Variants in FIGNL2 observed in about 807,000 individuals in gnomAD.
FIGNL2 encodes fidgetin like 2, also known as fidgetin-like protein 2.
For synonymous variants in FIGNL2, 565 were observed against 484.0 expected, an observed-to-expected ratio of 1.17 and a Z score of -2.20; for missense variants, 1,060 against 950.2, an observed-to-expected ratio of 1.12 and a Z score of -1.52.
At chr12:51,841,896 C>T (rs1939669354) in intron 1 of FIGNL2, 1 of 152,234 alleles carries the variant, frequency 6.6e-6, no homozygotes, top group Non-Finnish European at 1.5e-5. Context: ...AGCAAATCCT[C>T]CATGAAAGAT....
At position 51,820,932 on chromosome 12, in the gene FIGNL2, C is replaced by T; in HGVS notation, c.1482G>A (p.Glu494=). 1.5e-6 allele frequency: 2 copies of T among 1,310,398 alleles called. No individual in the cohort carries two copies. The highest frequency in any genetic ancestry group is 2.9e-4 in the Middle Eastern group (1 of 3,462). The allele number at this position is 1,310,398 out of a possible 1,614,324, so 81.2% of individuals were successfully genotyped here. Residue 494 remains glutamate, a synonymous_variant, in exon 2 of 2, where the codon GAG becomes GAA. Coordinates refer to ENST00000618634, the MANE Select transcript of FIGNL2 (RefSeq NM_001384995.1). ...CGTCGTCCCGGGCGGGGAGCAGCGCCTCTAGCTCGCTGATGAGGAGTACGG... is the reference window on the plus strand; with the variant it reads ...CGTCGTCCCGGGCGGGGAGCAGCGCTTCTAGCTCGCTGATGAGGAGTACGG... ...PPSVLLISEL[E]ALLPARDDGA...
At chr12:51,846,998 C>T (rs992871712) in intron 1 of FIGNL2, 2 of 793,816 alleles carry the variant, frequency 2.5e-6, no homozygotes, top group South Asian at 5.7e-5. Flanking sequence ...CCGCCCCTTT[C>T]CTCGCCCACC....
intron 1 of FIGNL2, among the ~76,000 whole-genome samples, chr12:51,834,588 G>A (rs1273281102): frequency 6.6e-6 from 1 of 152,240 alleles, no homozygotes; most frequent in Admixed American, 6.5e-5. Flanking sequence ...GTGTGCTCTG[G>A]CCCTGGTCTT....
chr12:51,822,505 C>T (rs958699355), intron 1 of FIGNL2, 81 bp from the exon 2 acceptor site: 1 of 1,531,586 alleles, frequency 6.5e-7, no homozygotes, highest in South Asian at 1.2e-5. Context: ...GGCCAGTCCG[C>T]CTAGACTGCG....
chr12:51,830,157 C>T (rs1477154576), intron 1 of FIGNL2, among the ~76,000 whole-genome samples: 5 of 151,630 alleles, frequency 3.3e-5, no homozygotes, highest in Non-Finnish European at 5.9e-5. Flanking sequence ...GGTGTAGTGG[C>T]GGGTGCCTGT....
chr12:51,838,755 C>A (rs1168515813), intron 1 of FIGNL2, among the ~76,000 whole-genome samples: 3 of 152,138 alleles, frequency 2.0e-5, no homozygotes, highest in Non-Finnish European at 4.4e-5. Flanking sequence ...TGGCTAGGTG[C>A]AGTGGCCTGG....
rs958064552 is a variant in FIGNL2 at position 51,819,150 on chromosome 12, G to A, written c.*1302C>T. On this transcript the variant is annotated 3_prime_UTR_variant, in exon 2 of 2. Transcript: ENST00000618634. Reference sequence around the variant, plus strand: ...GTCACTGGGGACCTCTGCCAAGGCAGGGCCAGGGGACATGACCTTTCTGGA... The same window carrying A: ...GTCACTGGGGACCTCTGCCAAGGCAAGGCCAGGGGACATGACCTTTCTGGA... 6.6e-6 allele frequency: 1 copy of A among 152,268 alleles called. No individual in the cohort carries two copies. The highest frequency in any genetic ancestry group is 1.5e-5 in the Non-Finnish European group (1 of 68,070). 9.4% of individuals were successfully genotyped at this position (152,268 alleles called of 1,614,324 possible).
chr12:51,826,266 CCTT>C (rs1398825028), intron 1 of FIGNL2, among the ~76,000 whole-genome samples: 1 of 152,052 alleles, frequency 6.6e-6, no homozygotes, highest in Non-Finnish European at 1.5e-5. Context: ...TCCCTTTTTC[CCTT>C]CTTCCTTCTT....
At chr12:51,830,825 A>G (rs889667051) in intron 1 of FIGNL2, among the ~76,000 whole-genome samples, 4 of 150,710 alleles carry the variant, frequency 2.7e-5, no homozygotes, top group Admixed American at 2.0e-4. Flanking sequence ...GTCTCACTCT[A>G]TTGCCCAGGC....
At chr12:51,837,198 C>T (rs982934235) in intron 1 of FIGNL2, among the ~76,000 whole-genome samples, 1 of 152,064 alleles carries the variant, frequency 6.6e-6, no homozygotes, top group Middle Eastern at 3.2e-3. Context: ...CAGCTCCAGC[C>T]GTGAATAAGC....
intron 1 of FIGNL2, chr12:51,847,659 C>T (rs1249690723): frequency 2.0e-6 from 2 of 985,318 alleles, no homozygotes; most frequent in Non-Finnish European, 2.4e-6. Flanking sequence ...TCCCAGGCCT[C>T]CTCCTCTGGC....
rs1231230836 is a variant in FIGNL2 at position 51,830,254 on chromosome 12, A to C, written c.-11-7830T>G. Reference sequence around the variant, plus strand: ...CAGTGAGCTGAGATCGCGCCACTGCACTCCAGCCTGGGCAACAGAGCCAGT... The same window carrying C: ...CAGTGAGCTGAGATCGCGCCACTGCCCTCCAGCCTGGGCAACAGAGCCAGT... On this transcript the variant is annotated intron_variant, in intron 1 of 1. Transcript: ENST00000618634. Among the ~76,000 whole-genome samples the C allele has an allele frequency of 3.3e-5, 5 of 150,570 alleles. No homozygotes were observed. In the East Asian group the frequency reaches 8.0e-4, roughly 24 times the overall value.
At chr12:51,827,659 C>T (rs1355524060) in intron 1 of FIGNL2, among the ~76,000 whole-genome samples, 1 of 152,204 alleles carries the variant, frequency 6.6e-6, no homozygotes, top group African/African-American at 2.4e-5. Context: ...AGTGCCCCAA[C>T]CTTGCTGAGT....
At chr12:51,831,309 C>T (rs1476719485) in intron 1 of FIGNL2, among the ~76,000 whole-genome samples, 3 of 152,206 alleles carry the variant, frequency 2.0e-5, no homozygotes, top group Non-Finnish European at 4.4e-5. Flanking sequence ...ATGGGGAGCA[C>T]TGGGGCATGG....
chr12:51,822,201 C>T lies in FIGNL2; in HGVS notation c.213G>A (p.Leu71=). Residue 71 remains leucine (L), a synonymous_variant, in exon 2 of 2, where the codon TTG becomes TTA. Coordinates refer to ENST00000618634, the MANE Select transcript of FIGNL2 (RefSeq NM_001384995.1). ...GGGCCGGACGCTCGTAGGGAGAATC[C>T]AAGACCCCAGAGTACTTCTCTGCAT... ...KRYAEKYSGV[L]DSPYERPALG... 1.2e-6 allele frequency: 2 copies of T among 1,611,830 alleles called. No homozygotes were observed. Among genetic ancestry groups the T allele is most frequent in the South Asian group, 2.2e-5 (2 of 90,580 alleles).
intron 1 of FIGNL2, among the ~76,000 whole-genome samples, chr12:51,836,527 TCAGGCCTGGG>T (rs753009718): frequency 7.1e-4 from 108 of 152,234 alleles, no homozygotes; most frequent in Non-Finnish European, 1.3e-3. Flanking sequence ...TGATGTCTGG[TCAGGCCTGGG>T]CTAAAGTGAG....
At chr12:51,841,410 C>T (rs935970676) in intron 1 of FIGNL2, 2 of 152,264 alleles carry the variant, frequency 1.3e-5, no homozygotes, top group African/African-American at 2.4e-5. Context: ...AACTGAGGCT[C>T]GATTAACTTG....
chr12:51,827,417 G>C (rs1223344299), intron 1 of FIGNL2, among the ~76,000 whole-genome samples: 2 of 151,868 alleles, frequency 1.3e-5, no homozygotes, highest in Non-Finnish European at 2.9e-5. Flanking sequence ...GTAGAGACAG[G>C]GTTTTGCCAT....
chr12:51,829,375 G>C (rs1310474228), intron 1 of FIGNL2, among the ~76,000 whole-genome samples: 7 of 152,170 alleles, frequency 4.6e-5, no homozygotes, highest in African/African-American at 1.7e-4. Flanking sequence ...CAACCCCCCA[G>C]TTATTGCAAC....
Sources: allele counts gnomAD v4.1 joint callset (sites outside exome capture counted in the v4.1 genomes callset), GRCh38; gene constraint gnomAD v4.1.1; transcripts MANE v1.5; gene names NCBI Gene and HGNC (gene_info 2026-07-23, HGNC 2026-07-21).